JAKMIP2: variants seen among roughly 807,000 people sequenced by gnomAD.
The protein encoded by JAKMIP2 is janus kinase and microtubule interacting protein 2.
Under a neutral mutation model 115.0 loss-of-function variants are expected in JAKMIP2, and 25 were observed. The observed-to-expected ratio is 0.22, with a 90% confidence interval of 0.16 to 0.30. The LOEUF (loss-of-function observed/expected upper bound fraction) is 0.30. Ranked by LOEUF, JAKMIP2 falls within the 10% of genes least tolerant of loss-of-function variation. The pLI, the probability that JAKMIP2 is intolerant of heterozygous loss-of-function variation, is 1.00. For synonymous variants in JAKMIP2, 334 were observed against 343.6 expected (o/e 0.97, Z 0.31); for missense variants, 642 against 957.6 (o/e 0.67, Z 4.35).
In JAKMIP2 at chr5:147,588,055, T is replaced by C. The variant is rs1042344679; in HGVS notation, c.*3652A>G. On this transcript the variant is annotated 3_prime_UTR_variant, in exon 22 of 22. Coordinates refer to ENST00000616793, the MANE Select transcript of JAKMIP2 (RefSeq NM_001270941.2). ...TAAGTCAGAAGGGTTGTAATTTTTT[T>C]CAGCAAATTCTATTTCCTAAAAGTA... is the stretch of plus-strand genomic sequence containing the variant. 2.0e-5 allele frequency: 3 copies of C among 152,178 alleles called. No homozygotes were observed. The highest frequency in any genetic ancestry group is 2.9e-5 in the Non-Finnish European group (2 of 68,022). The allele number at this position is 152,178 out of a possible 1,614,324, so 9.4% of individuals were successfully genotyped here.
chr5:147,610,873 T>C (rs936350362), intron 20 of JAKMIP2, among the ~76,000 whole-genome samples: 3 of 152,226 alleles, frequency 2.0e-5, no homozygotes, highest in Admixed American at 6.5e-5. Flanking sequence ...CCTTCAGAGA[T>C]GCTCTGCCCA....
intron 1 of JAKMIP2, among the ~76,000 whole-genome samples, chr5:147,750,740 G>A (rs993427209): frequency 1.3e-5 from 2 of 152,132 alleles, no homozygotes; most frequent in Non-Finnish European, 2.9e-5. Context: ...GAAGGTTAAG[G>A]AAGGTCTTGA....
At chr5:147,752,865 C>A (rs902016332) in intron 1 of JAKMIP2, among the ~76,000 whole-genome samples, 3 of 152,092 alleles carry the variant, frequency 2.0e-5, no homozygotes, top group Admixed American at 6.5e-5. Flanking sequence ...AGAAGGCCAT[C>A]TGCTGAGATG....
chr5:147,648,331 T>C, intron 5 of JAKMIP2, 45 bp downstream of exon 5: 1 of 961,394 alleles, frequency 1.0e-6, no homozygotes, highest in Non-Finnish European at 1.7e-6. Context: ...TTCTGTAACA[T>C]AATGCTTAAC....
chr5:147,594,424 T>G (rs1308124078), intron 21 of JAKMIP2: 3 of 455,706 alleles, frequency 6.6e-6, no homozygotes, highest in Admixed American at 2.3e-5. Flanking sequence ...AGCATCGACC[T>G]CTGGGGCTTA....
chr5:147,674,764 G>A (rs367961509), intron 1 of JAKMIP2, among the ~76,000 whole-genome samples: 2 of 152,228 alleles, frequency 1.3e-5, no homozygotes, highest in African/African-American at 2.4e-5. Flanking sequence ...AATTGACCAA[G>A]GTCATTGGTG....
chr5:147,613,394 G>C (rs112184654), intron 19 of JAKMIP2, among the ~76,000 whole-genome samples: 1,759 of 152,226 alleles, frequency 0.012, 32 homozygotes, highest in African/African-American at 0.04. Flanking sequence ...GAGAAAAAAA[G>C]GGAAGCTAGA....
chr5:147,672,194 CTT>C (rs1759641566), intron 1 of JAKMIP2, among the ~76,000 whole-genome samples: 1 of 152,148 alleles, frequency 6.6e-6, no homozygotes, highest in Non-Finnish European at 1.5e-5. Context: ...ATCCTTCACT[CTT>C]TCATGTCTTG....
chr5:147,706,781 TAC>T (rs1241944766), intron 1 of JAKMIP2, among the ~76,000 whole-genome samples: 1 of 151,988 alleles, frequency 6.6e-6, no homozygotes, highest in Non-Finnish European at 1.5e-5. Context: ...ATACTGCAAA[TAC>T]AGTGTTCCAA....
intron 1 of JAKMIP2, among the ~76,000 whole-genome samples, chr5:147,758,613 G>A (rs576283462): frequency 2.1e-4 from 32 of 152,124 alleles, no homozygotes; most frequent in Admixed American, 1.8e-3. Context: ...GAATATAAAA[G>A]TGTTTTGTTT....
At chr5:147,660,810 T>A in intron 3 of JAKMIP2, 138 bp downstream of exon 3, 1 of 923,148 alleles carries the variant, frequency 1.1e-6, no homozygotes, top group Admixed American at 2.5e-5. Context: ...TGATCTATCT[T>A]GGATAGAGCA....
chr5:147,616,404 A>G (rs1225304626), intron 19 of JAKMIP2, among the ~76,000 whole-genome samples: 1 of 152,236 alleles, frequency 6.6e-6, no homozygotes, highest in Non-Finnish European at 1.5e-5. Context: ...CTACTGGATA[A>G]CTTAAACAAA....
chr5:147,640,899 G>T, intron 8 of JAKMIP2, 76 bp from the exon 9 acceptor site: 1 of 1,321,034 alleles, frequency 7.6e-7, no homozygotes, highest in Non-Finnish European at 1.1e-6. Flanking sequence ...ACTGTCAACT[G>T]GCATACGTGT....
intron 1 of JAKMIP2, among the ~76,000 whole-genome samples, chr5:147,736,738 G>T (rs1204509875): frequency 6.6e-6 from 1 of 152,034 alleles, no homozygotes; most frequent in Non-Finnish European, 1.5e-5. Flanking sequence ...ACCCTATATT[G>T]TTTCAATACT....
chr5:147,609,145 C>A (rs1160220436), intron 20 of JAKMIP2, among the ~76,000 whole-genome samples: 2 of 152,048 alleles, frequency 1.3e-5, no homozygotes, highest in Non-Finnish European at 2.9e-5. Context: ...CCAGTCTGTG[C>A]CTTTTAATTG....
chr5:147,696,011 T>C (rs144364497), intron 1 of JAKMIP2, among the ~76,000 whole-genome samples: 122 of 152,300 alleles, frequency 8.0e-4, no homozygotes, highest in African/African-American at 2.2e-3. Flanking sequence ...TTTATGGAGA[T>C]CTTTCCAATT....
chr5:147,714,604 C>T (rs905374562), intron 1 of JAKMIP2, among the ~76,000 whole-genome samples: 2 of 152,240 alleles, frequency 1.3e-5, no homozygotes, highest in Non-Finnish European at 1.5e-5. Flanking sequence ...TGAAACATAT[C>T]TATCCGTGGA....
At chr5:147,657,945 G>C (rs954625780) in intron 3 of JAKMIP2, among the ~76,000 whole-genome samples, 4 of 152,008 alleles carry the variant, frequency 2.6e-5, no homozygotes, top group African/African-American at 7.3e-5. Flanking sequence ...CATTGGGTTA[G>C]AACATGCTCC....
At chr5:147,657,165 G>A (rs1036187254) in intron 3 of JAKMIP2, among the ~76,000 whole-genome samples, 16 of 152,076 alleles carry the variant, frequency 1.1e-4, no homozygotes, top group East Asian at 5.8e-4. Context: ...CTGTAGTCCC[G>A]GCTATTCGGG....
Sources: gnomAD v4.1 joint callset for allele counts (sites outside exome capture counted in the v4.1 genomes callset) on GRCh38, gnomAD v4.1.1 for gene constraint, MANE v1.5 for transcripts, NCBI Gene and HGNC (gene_info 2026-07-23, HGNC 2026-07-21) for gene names.